SLCO1A2: variants seen among roughly 807,000 people sequenced by gnomAD.
SLCO1A2 encodes solute carrier organic anion transporter family member 1A2.
A neutral mutation model predicts 69.0 loss-of-function variants in SLCO1A2; 67 were observed. The ratio of observed to expected loss-of-function variants is 0.97; its 90% confidence interval spans 0.80 to 1.19. The LOEUF (loss-of-function observed/expected upper bound fraction) is 1.19, where lower values mean the gene tolerates loss of function less well. Ranked by LOEUF, SLCO1A2 falls within the 50% of genes most tolerant of loss-of-function variation. The pLI is 0.00. For synonymous variants in SLCO1A2, 260 were observed against 265.9 expected, an observed-to-expected ratio of 0.98 and a Z score of 0.22; for missense variants, 787 against 793.7, an observed-to-expected ratio of 0.99 and a Z score of 0.10.
intron 2 of SLCO1A2, among the ~76,000 whole-genome samples, chr12:21,366,848 A>G (rs1939427187): frequency 6.6e-6 from 1 of 152,026 alleles, no homozygotes. Context: ...AATTAAAGAG[A>G]TTAAAAATAG....
chr12:21,359,664 A>G (rs10770802), intron 2 of SLCO1A2, among the ~76,000 whole-genome samples: 48,873 of 151,596 alleles, frequency 0.32, 8,168 homozygotes, highest in East Asian at 0.46. Flanking sequence ...GGAGAATGGC[A>G]TGAACCCAGG....
chr12:21,360,026 A>T lies in SLCO1A2; in HGVS notation c.-63+14373T>A, dbSNP rs372142921. ...ATCATTATGCTATGTAAAAAAAAAA[A>T]GTCAGGCAAAAAGGAATACATGCTA... On this transcript the variant is annotated intron_variant, in intron 2 of 15. Coordinates refer to the SLCO1A2 transcript ENST00000307378. 1.2e-4 allele frequency among the ~76,000 whole-genome samples: 18 copies of T among 152,296 alleles called. No homozygotes were observed. In the East Asian group the frequency reaches 2.1e-3, roughly 18 times the overall value.
At chr12:21,341,764 G>A (rs942884692) in intron 2 of SLCO1A2, among the ~76,000 whole-genome samples, 6 of 151,940 alleles carry the variant, frequency 3.9e-5, no homozygotes, top group Non-Finnish European at 8.8e-5. Context: ...TTCTACTTTG[G>A]GACGAGCCAA....
At chr12:21,392,015 T>A (rs923153692) in intron 1 of SLCO1A2, among the ~76,000 whole-genome samples, 5 of 152,180 alleles carry the variant, frequency 3.3e-5, no homozygotes, top group African/African-American at 1.2e-4. Context: ...GAAGAGTTAA[T>A]GAAGGAAGAA....
intron 2 of SLCO1A2, among the ~76,000 whole-genome samples, chr12:21,329,382 T>C (rs1952459233): frequency 6.6e-6 from 1 of 152,108 alleles, no homozygotes; most frequent in Non-Finnish European, 1.5e-5. Context: ...TGGAGTCTAG[T>C]GGCTTGAGCT....
Position 21,402,264 on chromosome 12 carries a change from C to T in SLCO1A2, c.-312+15618G>A, listed in dbSNP as rs147448817. 3.2e-3 allele frequency among the ~76,000 whole-genome samples: 490 copies of T among 151,442 alleles called. 3 individuals carry two copies. Among genetic ancestry groups the T allele is most frequent in the African/African-American group, 0.011 (450 of 41,346 alleles). On this transcript the variant is annotated intron_variant, in intron 1 of 4. Coordinates refer to the SLCO1A2 transcript ENST00000413682. ...TAAAAAATAGAGAACATGTTTGAAA[C>T]GTATATGAGAGGTGAGCTTTATAAC...
chr12:21,304,317 T>C (rs3751270), intron 6 of SLCO1A2, 110 bp downstream of exon 6: 172,692 of 829,018 alleles, frequency 0.21, 22,022 homozygotes, highest in African/African-American at 0.51. Context: ...TGTGCCAAGA[T>C]ACTCTACTCA....
chr12:21,373,172 C>T (rs1939923019), intron 2 of SLCO1A2: 2 of 610,468 alleles, frequency 3.3e-6, no homozygotes, highest in Non-Finnish European at 2.9e-6. Context: ...CTCGAAATTA[C>T]TTGAAAAGTG....
At chr12:21,394,573 ACACACAC>A (rs1941333228) in intron 1 of SLCO1A2, among the ~76,000 whole-genome samples, 1 of 151,648 alleles carries the variant, frequency 6.6e-6, no homozygotes, top group Non-Finnish European at 1.5e-5. Flanking sequence ...ACACACACAC[ACACACAC>A]AACAAAAAAC....
chr12:21,343,338 C>T (rs895960759), intron 2 of SLCO1A2, among the ~76,000 whole-genome samples: 1 of 152,132 alleles, frequency 6.6e-6, no homozygotes, highest in African/African-American at 2.4e-5. Flanking sequence ...TATCTCTTCA[C>T]ATATAGCACT....
intron 12 of SLCO1A2, among the ~76,000 whole-genome samples, chr12:21,282,323 C>T (rs992124724): frequency 4.0e-5 from 6 of 151,428 alleles, no homozygotes; most frequent in Non-Finnish European, 4.4e-5. Flanking sequence ...AAAGAACAAA[C>T]GAATAAAACC....
chr12:21,277,280 A>T (rs1247792973), intron 12 of SLCO1A2, among the ~76,000 whole-genome samples: 1 of 143,756 alleles, frequency 7.0e-6, no homozygotes, highest in Non-Finnish European at 1.6e-5. Context: ...TGGCATTTCT[A>T]GACATACCCT....
chr12:21,297,369 A>G (rs763282281), intron 9 of SLCO1A2, 35 bp downstream of exon 9: 3 of 1,567,174 alleles, frequency 1.9e-6, no homozygotes, highest in Non-Finnish European at 2.6e-6. Flanking sequence ...GTGGGGGGGA[A>G]AGTGTGCTAG....
chr12:21,338,037 A>G (rs992431735), upstream of SLCO1A2, among the ~76,000 whole-genome samples: 2 of 152,026 alleles, frequency 1.3e-5, no homozygotes, highest in African/African-American at 4.8e-5. Flanking sequence ...CTAACTCTAG[A>G]TAATAGACCA....
At chr12:21,303,459 C>T (rs1211184123) in intron 6 of SLCO1A2, among the ~76,000 whole-genome samples, 1 of 152,084 alleles carries the variant, frequency 6.6e-6, no homozygotes, top group Non-Finnish European at 1.5e-5. Context: ...GGTTAATGAT[C>T]CCTCAATATT....
upstream of SLCO1A2, among the ~76,000 whole-genome samples, chr12:21,418,827 G>A (rs1483868673): frequency 6.6e-6 from 1 of 151,930 alleles, no homozygotes; most frequent in Non-Finnish European, 1.5e-5. Flanking sequence ...CTAGAACAGG[G>A]GATTAGCAAA....
chr12:21,374,449 C>T (rs1463345318), exon 2 of SLCO1A2: 2 of 152,066 alleles, frequency 1.3e-5, no homozygotes, highest in African/African-American at 4.8e-5. Flanking sequence ...TTAGAATGAT[C>T]GTCATCTTGT....
At chr12:21,270,852 CTCTT>C (rs1428034083) in intron 14 of SLCO1A2, among the ~76,000 whole-genome samples, 1 of 151,560 alleles carries the variant, frequency 6.6e-6, no homozygotes, top group African/African-American at 2.4e-5. Context: ...TGTGCCTCCT[CTCTT>C]TATTTGCCTT....
At position 21,265,801 on chromosome 12, in the gene SLCO1A2, G is replaced by GTTT. The variant is rs1324833082; in HGVS notation, c.*3746_*3747insAAA. The GTTT allele has an allele frequency of 6.6e-6, 1 of 151,930 alleles. No individual in the cohort carries two copies. Among genetic ancestry groups the GTTT allele is most frequent in the Non-Finnish European group, 1.5e-5 (1 of 68,002 alleles). The allele number at this position is 151,930 out of a possible 1,614,324, so 9.4% of individuals were successfully genotyped here. A position where few individuals can be genotyped will look rare whatever the true frequency, so the allele number is the denominator to read the frequency against. ...CTTGCCTCTTTTTCCTTTTCCCCTT[G>GTTT]GTAATAAATTTGAGGGATCTAAGAA... On this transcript the variant is annotated 3_prime_UTR_variant, in exon 15 of 15. Transcript: ENST00000683939.
Sources: gnomAD v4.1 joint callset for allele counts (sites outside exome capture counted in the v4.1 genomes callset) on GRCh38, gnomAD v4.1.1 for gene constraint, MANE v1.5 for transcripts, NCBI Gene and HGNC (gene_info 2026-07-23, HGNC 2026-07-21) for gene names.